ADAMTSL1: variants seen among roughly 807,000 people sequenced by gnomAD.
The protein encoded by ADAMTSL1 is ADAMTS like 1, also known as ADAMTS-like protein 1.
ADAMTSL1 carries 126 observed loss-of-function variants against 201.8 expected under a neutral mutation model. The ratio of observed to expected loss-of-function variants is 0.62; its 90% confidence interval spans 0.54 to 0.72. The LOEUF (loss-of-function observed/expected upper bound fraction) is 0.72. Ranked by LOEUF, ADAMTSL1 falls within the 30% of genes least tolerant of loss-of-function variation. ADAMTSL1 has a pLI of 0.00. For synonymous variants in ADAMTSL1, 1,121 were observed against 903.4 expected, an observed-to-expected ratio of 1.24 and a Z score of -4.32; for missense variants, 2,679 against 2,277.8, an observed-to-expected ratio of 1.18 and a Z score of -3.59.
chr9:18,214,448 A>C (rs1829992785), intron 2 of ADAMTSL1, among the ~76,000 whole-genome samples: 1 of 152,212 alleles, frequency 6.6e-6, no homozygotes, highest in African/African-American at 2.4e-5. Context: ...TAAATATGGA[A>C]CATCCCAAGG....
At chr9:18,123,722 C>T (rs916764966) in intron 1 of ADAMTSL1, among the ~76,000 whole-genome samples, 18 of 152,266 alleles carry the variant, frequency 1.2e-4, no homozygotes, top group African/African-American at 4.3e-4. Flanking sequence ...TAGAACATTG[C>T]TGTCACCCCA....
chr9:18,021,566 A>G (rs559123768), intron 1 of ADAMTSL1, among the ~76,000 whole-genome samples: 2 of 152,162 alleles, frequency 1.3e-5, no homozygotes, highest in Non-Finnish European at 2.9e-5. Flanking sequence ...TCGTGGTTCC[A>G]TGGGACAAGC....
At chr9:18,175,467 A>G (rs1252653505) in intron 2 of ADAMTSL1, among the ~76,000 whole-genome samples, 4 of 152,136 alleles carry the variant, frequency 2.6e-5, no homozygotes, top group Non-Finnish European at 5.9e-5. Context: ...TGCTTTTGGG[A>G]TGTCGTATTC....
At chr9:18,372,348 C>T (rs1837082303) in intron 2 of ADAMTSL1, among the ~76,000 whole-genome samples, 1 of 152,124 alleles carries the variant, frequency 6.6e-6, no homozygotes, top group African/African-American at 2.4e-5. Context: ...CATGCCGTGA[C>T]TGGGATTCTT....
At chr9:18,200,786 C>G (rs1440753577) in intron 2 of ADAMTSL1, among the ~76,000 whole-genome samples, 1 of 151,832 alleles carries the variant, frequency 6.6e-6, no homozygotes, top group African/African-American at 2.4e-5. Flanking sequence ...AAATAAAAAA[C>G]ATACCTCTTT....
At chr9:18,832,579 C>G (rs1429628949) in intron 23 of ADAMTSL1, among the ~76,000 whole-genome samples, 5 of 152,164 alleles carry the variant, frequency 3.3e-5, no homozygotes, top group Non-Finnish European at 7.3e-5. Flanking sequence ...TTGAGGATAA[C>G]AGAATTCTAG....
chr9:18,302,719 C>G (rs1253481834), intron 2 of ADAMTSL1, among the ~76,000 whole-genome samples: 3 of 152,088 alleles, frequency 2.0e-5, no homozygotes, highest in Non-Finnish European at 4.4e-5. Context: ...TTAATGCTGT[C>G]TTATGTTTCT....
chr9:18,268,840 G>T (rs1181290746), intron 2 of ADAMTSL1, among the ~76,000 whole-genome samples: 1 of 152,078 alleles, frequency 6.6e-6, no homozygotes, highest in Non-Finnish European at 1.5e-5. Context: ...TAGTTCATTA[G>T]ATTTTTTTCT....
chr9:18,909,891 G>A lies in ADAMTSL1; in HGVS notation c.*1343G>A, dbSNP rs183185060. 1 of 152,414 alleles carries A rather than the reference G, an allele frequency of 6.6e-6. No individual in the cohort carries two copies. The highest frequency in any genetic ancestry group is 1.9e-4 in the East Asian group (1 of 5,186). 9.4% of individuals were successfully genotyped at this position (152,414 alleles called of 1,614,324 possible). A position where few individuals can be genotyped will look rare whatever the true frequency, so the allele number is the denominator to read the frequency against. ...CAGCCACACTCATCAGCTGTGGTGAGGCGGCTGGAGCAAAGTCAAAGTCAT... is the reference window on the plus strand; with the variant it reads ...CAGCCACACTCATCAGCTGTGGTGAAGCGGCTGGAGCAAAGTCAAAGTCAT... On this transcript the variant is annotated 3_prime_UTR_variant, in exon 29 of 29. Coordinates refer to ENST00000380548, the MANE Select transcript of ADAMTSL1 (RefSeq NM_001040272.6).
chr9:18,204,915 T>G (rs1829590738), intron 2 of ADAMTSL1, among the ~76,000 whole-genome samples: 1 of 152,194 alleles, frequency 6.6e-6, no homozygotes, highest in African/African-American at 2.4e-5. Flanking sequence ...ATTATGGCAT[T>G]CGTAGGGAGT....
intron 26 of ADAMTSL1, among the ~76,000 whole-genome samples, chr9:18,897,308 G>A (rs1829704654): frequency 6.6e-6 from 1 of 152,166 alleles, no homozygotes; most frequent in African/African-American, 2.4e-5. Context: ...GAGAGTCCAG[G>A]CAGTCTGGAC....
chr9:18,313,694 T>A (rs1213193795), intron 2 of ADAMTSL1, among the ~76,000 whole-genome samples: 1 of 152,186 alleles, frequency 6.6e-6, no homozygotes, highest in East Asian at 1.9e-4. Flanking sequence ...CCTGAAACTG[T>A]AAAACTCCTA....
intron 22 of ADAMTSL1, among the ~76,000 whole-genome samples, chr9:18,828,673 T>TATATATATATATATAG (rs1824763622): frequency 1.1e-5 from 1 of 87,208 alleles, no homozygotes; most frequent in Non-Finnish European, 2.2e-5. Context: ...TATATATATA[T>TATATATATATATATAG]ATATATATAT....
intron 20 of ADAMTSL1, among the ~76,000 whole-genome samples, chr9:18,808,876 G>A (rs1191805916): frequency 6.6e-6 from 1 of 152,154 alleles, no homozygotes; most frequent in Admixed American, 6.5e-5. Context: ...AAACCATGGG[G>A]CCTTTCTGAG....
chr9:17,952,957 T>TCCTC (rs1554669704), intron 1 of ADAMTSL1, among the ~76,000 whole-genome samples: 2 of 129,862 alleles, frequency 1.5e-5, no homozygotes, highest in African/African-American at 2.8e-5. Flanking sequence ...TCCTCCTCCT[T>TCCTC]CTTCAGAATG....
chr9:18,522,161 G>A lies in ADAMTSL1; in HGVS notation c.192-11086G>A, dbSNP rs375517024. 3.3e-5 allele frequency among the ~76,000 whole-genome samples: 5 copies of A among 152,176 alleles called. No individual in the cohort carries two copies. The East Asian group carries it at 9.7e-4, about 29-fold the overall frequency. On this transcript the variant is annotated intron_variant, in intron 2 of 28. Transcript: ENST00000380548. ...CTACTAGAGGGAGGAGGAGAGAGGG[G>A]GTGGTGAGCTGAAAAACTACCTAAC...
chr9:17,959,758 G>T (rs1352744994), intron 1 of ADAMTSL1, among the ~76,000 whole-genome samples: 1 of 152,150 alleles, frequency 6.6e-6, no homozygotes, highest in Middle Eastern at 3.2e-3. Context: ...ACTCAGCCTT[G>T]ACATTTTTTA....
intron 1 of ADAMTSL1, among the ~76,000 whole-genome samples, chr9:18,001,936 A>C (rs1252100511): frequency 6.6e-6 from 1 of 151,944 alleles, no homozygotes; most frequent in East Asian, 1.9e-4. Flanking sequence ...ATGGGAGGGA[A>C]GGAAGTTGAT....
rs371257274 is a variant in ADAMTSL1, at chr9:18,393,236, G to A, written c.208-111593G>A. On this transcript the variant is annotated intron_variant, in intron 2 of 29. Transcript: ENST00000680146. Reference sequence around the variant, plus strand: ...GATTATACACATACACAGTATGCTGGGGTTTTTTAAATTAGAATTATAATT... The same window carrying A: ...GATTATACACATACACAGTATGCTGAGGTTTTTTAAATTAGAATTATAATT... 9.9e-5 allele frequency among the ~76,000 whole-genome samples: 15 copies of A among 152,182 alleles called. No homozygotes were observed. In the South Asian group the frequency reaches 2.5e-3, roughly 25 times the overall value.
Sources: allele counts gnomAD v4.1 joint callset (sites outside exome capture counted in the v4.1 genomes callset), GRCh38; gene constraint gnomAD v4.1.1; transcripts MANE v1.5; gene names NCBI Gene and HGNC (gene_info 2026-07-23, HGNC 2026-07-21).